The following BCL11B variants were observed in gnomAD, a reference collection of about 807,000 sequenced individuals.
The protein encoded by BCL11B is BCL11 transcription factor B.
In BCL11B, 8 loss-of-function variants were observed where a neutral mutation model predicts 49.9. That is an observed-to-expected ratio of 0.16 (90% CI 0.09 to 0.29). The LOEUF is 0.29. Among genes scored for constraint, BCL11B ranks in the 10% least tolerant of loss-of-function variants. The pLI is 1.00. For missense variants in BCL11B, 1,006 were observed against 1,351.0 expected, an observed-to-expected ratio of 0.74 and a Z score of 4.00; for synonymous variants, 739 against 637.4, an observed-to-expected ratio of 1.16 and a Z score of -2.40.
chr14:99,191,820 G>A (rs755540301), intron 3 of BCL11B, among the ~76,000 whole-genome samples: 1 of 152,116 alleles, frequency 6.6e-6, no homozygotes, highest in African/African-American at 2.4e-5. Context: ...GCTCAGCTGT[G>A]AGCCCTGCAA....
chr14:99,267,892 C>T (rs1223436503), intron 1 of BCL11B, among the ~76,000 whole-genome samples: 5 of 152,136 alleles, frequency 3.3e-5, no homozygotes, highest in African/African-American at 9.7e-5. Flanking sequence ...CGCAGTTTAC[C>T]GTGGACATCT....
At chr14:99,196,525 T>A (rs1185963785) in intron 3 of BCL11B, among the ~76,000 whole-genome samples, 1 of 119,306 alleles carries the variant, frequency 8.4e-6, no homozygotes, top group East Asian at 2.0e-4. Context: ...CTGTTCCCAG[T>A]GGGTTGAAAA....
intron 3 of BCL11B, among the ~76,000 whole-genome samples, chr14:99,226,798 C>G (rs1595263889): frequency 6.6e-6 from 1 of 152,290 alleles, no homozygotes. Flanking sequence ...ATGGTTAAAC[C>G]CTACTATTTA....
intron 3 of BCL11B, among the ~76,000 whole-genome samples, chr14:99,217,043 C>T (rs1887860021): frequency 6.6e-6 from 1 of 152,152 alleles, no homozygotes; most frequent in Admixed American, 6.5e-5. Flanking sequence ...TATACACATG[C>T]ATGCACATAT....
intron 1 of BCL11B, among the ~76,000 whole-genome samples, chr14:99,260,253 C>A (rs530695836): frequency 1.3e-5 from 2 of 152,170 alleles, no homozygotes; most frequent in South Asian, 2.1e-4. Flanking sequence ...TTAAATACCA[C>A]CCTGTCCAGG....
chr14:99,180,875 T>C (rs1886679867), intron 3 of BCL11B, among the ~76,000 whole-genome samples: 1 of 152,180 alleles, frequency 6.6e-6, no homozygotes, highest in South Asian at 2.1e-4. Flanking sequence ...TGAGGAAACA[T>C]CGTTTTTTAT....
intron 3 of BCL11B, among the ~76,000 whole-genome samples, chr14:99,176,903 C>T (rs548154703): frequency 2.1e-4 from 32 of 151,992 alleles, no homozygotes; most frequent in African/African-American, 7.5e-4. Flanking sequence ...ACAAATCAAA[C>T]TGTACTATCC....
intron 3 of BCL11B, among the ~76,000 whole-genome samples, chr14:99,208,320 G>T (rs999349248): frequency 2.0e-5 from 3 of 152,096 alleles, no homozygotes; most frequent in African/African-American, 7.2e-5. Flanking sequence ...ACAGGGCCTC[G>T]GACTTCCCTG....
chr14:99,181,682 G>A (rs1035210464), intron 3 of BCL11B, among the ~76,000 whole-genome samples: 4 of 152,330 alleles, frequency 2.6e-5, no homozygotes, highest in Admixed American at 1.3e-4. Context: ...AAGGGGAGAC[G>A]TTTCACAGAG....
chr14:99,188,447 T>C (rs556232911), intron 3 of BCL11B, among the ~76,000 whole-genome samples: 1 of 152,298 alleles, frequency 6.6e-6, no homozygotes, highest in African/African-American at 2.4e-5. Context: ...CCCGGGTGGA[T>C]AGGCTCTTTT....
At chr14:99,179,062 G>A (rs1289774729) in intron 3 of BCL11B, among the ~76,000 whole-genome samples, 5 of 152,204 alleles carry the variant, frequency 3.3e-5, no homozygotes, top group African/African-American at 9.6e-5. Flanking sequence ...CAGTGAAGGC[G>A]GCTCTACAGC....
At chr14:99,229,734 C>A (rs1336762824) in intron 3 of BCL11B, among the ~76,000 whole-genome samples, 1 of 152,170 alleles carries the variant, frequency 6.6e-6, no homozygotes, top group Non-Finnish European at 1.5e-5. Flanking sequence ...CGGAACTTGA[C>A]CGCGTCCAGT....
At chr14:99,211,164 G>A (rs1377895655) in intron 3 of BCL11B, among the ~76,000 whole-genome samples, 1 of 152,144 alleles carries the variant, frequency 6.6e-6, no homozygotes, top group African/African-American at 2.4e-5. Flanking sequence ...ATGGAAGTGG[G>A]GGCCAAAGTC....
At chr14:99,210,595 C>T (rs1441032606) in intron 3 of BCL11B, among the ~76,000 whole-genome samples, 2 of 152,166 alleles carry the variant, frequency 1.3e-5, no homozygotes, top group East Asian at 1.9e-4. Context: ...AGCTCATGCC[C>T]GAGGACCAAG....
chr14:99,249,288 T>G (rs1414293944), intron 2 of BCL11B, among the ~76,000 whole-genome samples: 1 of 152,190 alleles, frequency 6.6e-6, no homozygotes, highest in Admixed American at 6.5e-5. Context: ...TCCTCTTTTT[T>G]TATTTTAATT....
rs148806071 is a variant in BCL11B, at chr14:99,217,281, TACAA to T, written c.640+14060_640+14063del. Among the ~76,000 whole-genome samples, 703 of 145,424 alleles carry T rather than the reference TACAA, an allele frequency of 4.8e-3. 39 individuals carry two copies. In the East Asian group the frequency reaches 0.11, roughly 23 times the overall value. Reference sequence around the variant, plus strand: ...ATGCTGACATATGCAAATACTCACATACAAACACACTCACAAATACATACACTTA... The same window carrying T: ...ATGCTGACATATGCAAATACTCACATACACACTCACAAATACATACACTTA... On this transcript the variant is annotated intron_variant, in intron 3 of 3. Transcript: ENST00000357195.
rs560208112 is a variant in BCL11B at position 99,257,650 on chromosome 14, C to T, written c.248G>A (p.Gly83Asp). The T allele has an allele frequency of 7.4e-6, 12 of 1,612,934 alleles. No homozygotes were observed. In the East Asian group the frequency reaches 2.7e-4, roughly 36 times the overall value. ...FIEHKRKQCG[G>D]SLGACYDKAL... ...CTTGTCATAGCAGGCACCCAAGCTGCCGCCACACTGCTTCCTTTTGTGCTC... is the reference window on the plus strand; with the variant it reads ...CTTGTCATAGCAGGCACCCAAGCTGTCGCCACACTGCTTCCTTTTGTGCTC... The change falls in exon 2 of 4, where the codon GGC becomes GAC. Residue 83 changes from glycine to aspartate, a missense_variant. Physicochemically the swap from Gly to Asp is moderately conservative, Grantham distance 94. Transcript: ENST00000357195. The surrounding 1 kb of genome is among the most constrained non-coding windows in gnomAD (Gnocchi z 6.2).
intron 3 of BCL11B, among the ~76,000 whole-genome samples, chr14:99,180,826 T>C (rs1344222603): frequency 6.6e-6 from 1 of 152,178 alleles, no homozygotes; most frequent in Non-Finnish European, 1.5e-5. Context: ...GCCTGCCTCA[T>C]GCATTAGAGG....
chr14:99,190,474 C>A (rs557498522), intron 3 of BCL11B, among the ~76,000 whole-genome samples: 1 of 152,186 alleles, frequency 6.6e-6, no homozygotes, highest in Non-Finnish European at 1.5e-5. Context: ...GGCGACAGAG[C>A]GAGACTTCGT....
Sources: gnomAD v4.1 joint callset for allele counts (sites outside exome capture counted in the v4.1 genomes callset) on GRCh38, gnomAD v4.1.1 for gene constraint, Gnocchi (gnomAD v3.1) non-coding constraint, MANE v1.5 for transcripts, NCBI Gene and HGNC (gene_info 2026-07-23, HGNC 2026-07-21) for gene names.